The following RBFOX3 variants were observed in gnomAD, a reference collection of about 807,000 sequenced individuals.
RBFOX3 encodes the protein RNA binding protein fox-1 homolog 3.
RBFOX3 carries 17 observed loss-of-function variants against 48.7 expected under a neutral mutation model. The observed-to-expected ratio is 0.35, with a 90% CI of 0.24 to 0.52. The LOEUF (loss-of-function observed/expected upper bound fraction) is 0.52. RBFOX3 is among the 20% of genes least tolerant of loss of function. The pLI, the probability that RBFOX3 is intolerant of heterozygous loss-of-function variation, is 0.94. For synonymous variants in RBFOX3, 212 were observed against 209.5 expected, an observed-to-expected ratio of 1.01 and a Z score of -0.10; for missense variants, 382 against 497.5, an observed-to-expected ratio of 0.77 and a Z score of 2.21.
intron 1 of RBFOX3, among the ~76,000 whole-genome samples, chr17:79,525,961 G>A (rs2086739167): frequency 4.6e-5 from 7 of 152,130 alleles, no homozygotes; most frequent in South Asian, 2.1e-4. Flanking sequence ...ACAAGCCACC[G>A]CCACCCCCGA....
intron 1 of RBFOX3, among the ~76,000 whole-genome samples, chr17:79,483,426 G>A (rs1246726786): frequency 6.1e-4 from 83 of 135,724 alleles, no homozygotes; most frequent in African/African-American, 2.3e-3. Flanking sequence ...GCTCTTCCCT[G>A]CACAATTGCA....
At chr17:79,154,671 G>A (rs1471312079) in intron 4 of RBFOX3, among the ~76,000 whole-genome samples, 2 of 152,352 alleles carry the variant, frequency 1.3e-5, no homozygotes, top group Admixed American at 6.5e-5. Context: ...CCACGTGGCC[G>A]GGAGACTGGC....
At chr17:79,239,482 C>T (rs1330076300) in intron 3 of RBFOX3, among the ~76,000 whole-genome samples, 1 of 152,242 alleles carries the variant, frequency 6.6e-6, no homozygotes, top group Non-Finnish European at 1.5e-5. Flanking sequence ...CAGTCACACC[C>T]TTCAGCAAAG....
At chr17:79,635,336 G>A in the RBFOX3 span, among the ~76,000 whole-genome samples, 1 of 152,084 alleles carries the variant, frequency 6.6e-6, no homozygotes, top group Non-Finnish European at 1.5e-5. Context: ...GTGGCAACCT[G>A]ATCGTCCCAT....
chr17:79,318,139 G>A (rs2077802867), intron 2 of RBFOX3, among the ~76,000 whole-genome samples: 1 of 152,152 alleles, frequency 6.6e-6, no homozygotes. Flanking sequence ...GTGTCAGCCG[G>A]AGCCCTTGCC....
At chr17:79,305,915 G>C (rs2076028022) in intron 3 of RBFOX3, among the ~76,000 whole-genome samples, 1 of 152,220 alleles carries the variant, frequency 6.6e-6, no homozygotes, top group African/African-American at 2.4e-5. Flanking sequence ...GTAGCCTCTA[G>C]CGTAGAGCCC....
chr17:79,094,086 G>A (rs1046941150), intron 14 of RBFOX3, among the ~76,000 whole-genome samples: 1 of 152,188 alleles, frequency 6.6e-6, no homozygotes, highest in Non-Finnish European at 1.5e-5. Flanking sequence ...GCCTCTGCTG[G>A]GAAGGAGAGG....
At chr17:79,651,972 C>T in the RBFOX3 span, among the ~76,000 whole-genome samples, 1 of 150,588 alleles carries the variant, frequency 6.6e-6, no homozygotes, top group African/African-American at 2.5e-5. Context: ...AGTGGCTGAG[C>T]TTGGGAGCAG....
chr17:79,504,701 G>T (rs1838302260), intron 1 of RBFOX3, among the ~76,000 whole-genome samples: 1 of 152,102 alleles, frequency 6.6e-6, no homozygotes, highest in African/African-American at 2.4e-5. Flanking sequence ...TACATTTAGG[G>T]CCCGCCTGGA....
At chr17:79,321,447 C>T (rs889915861) in intron 2 of RBFOX3, among the ~76,000 whole-genome samples, 4 of 152,162 alleles carry the variant, frequency 2.6e-5, no homozygotes, top group South Asian at 2.1e-4. Context: ...TAACTGGAGC[C>T]GAGACACAGA....
intron 3 of RBFOX3, among the ~76,000 whole-genome samples, chr17:79,240,292 G>GA (rs1226923275): frequency 2.6e-5 from 4 of 152,260 alleles, no homozygotes; most frequent in African/African-American, 7.2e-5. Context: ...CAACTGGCCA[G>GA]AAAAAAACCG....
chr17:79,639,758 CAT>C, the RBFOX3 span, among the ~76,000 whole-genome samples: 1 of 152,082 alleles, frequency 6.6e-6, no homozygotes, highest in Non-Finnish European at 1.5e-5. Context: ...TCTAAATAGA[CAT>C]AGAAAAAGCA....
rs905547586 is a variant in RBFOX3, at chr17:79,421,385, C to T, written c.-175+61069G>A. On this transcript the variant is annotated intron_variant, in intron 2 of 14. Coordinates refer to ENST00000693108, the MANE Select transcript of RBFOX3 (RefSeq NM_001350451.2). This position sits in a 1 kb window ranked among gnomAD's most constrained non-coding sequence, Gnocchi z 4.5. ...TGGGGCTGCTTGAAGTGGATGGCCC[C>T]CTCAATGTGGAAGGAGGCTGGGCCT... Among the ~76,000 whole-genome samples, 30 of 152,278 alleles carry T rather than the reference C, an allele frequency of 2.0e-4. No homozygotes were observed. The highest frequency in any genetic ancestry group is 6.5e-4 in the African/African-American group (27 of 41,568).
In RBFOX3 at chr17:79,379,889, C is replaced by T. The variant is rs570512592; in HGVS notation, c.-174-72065G>A. On this transcript the variant is annotated intron_variant, in intron 2 of 14. Coordinates refer to ENST00000693108, the MANE Select transcript of RBFOX3 (RefSeq NM_001350451.2). ...AGAAGCACAGAGCGGCTCTCAGGCCCGCACGAGTCTGCATGTGCGTCCTGC... is the reference window on the plus strand; with the variant it reads ...AGAAGCACAGAGCGGCTCTCAGGCCTGCACGAGTCTGCATGTGCGTCCTGC... Among the ~76,000 whole-genome samples, 4 of 152,286 alleles carry T rather than the reference C, an allele frequency of 2.6e-5. No homozygotes were observed. In the South Asian group the frequency reaches 6.2e-4, roughly 24 times the overall value.
Position 79,443,209 on chromosome 17 carries a change from A to G in RBFOX3, c.-175+39245T>C, listed in dbSNP as rs2071512232. ...CCGAAGGGGCCCAGCGTCCAGTCCA[A>G]TCCTGGGTGCTGCCAAGTCCCCTCT... On this transcript the variant is annotated intron_variant, in intron 2 of 14. Transcript: ENST00000693108. The surrounding 1 kb of genome is among the most constrained non-coding windows in gnomAD (Gnocchi z 4.4). Among the ~76,000 whole-genome samples, 1 of 152,132 alleles carries G rather than the reference A, an allele frequency of 6.6e-6. No homozygotes were observed. The highest frequency in any genetic ancestry group is 2.1e-4 in the South Asian group (1 of 4,820).
intron 1 of RBFOX3, among the ~76,000 whole-genome samples, chr17:79,505,175 A>T (rs2149777769): frequency 6.6e-6 from 1 of 151,964 alleles, no homozygotes; most frequent in African/African-American, 2.4e-5. Flanking sequence ...CCACAAAGGA[A>T]CTCTATCAGC....
In RBFOX3 at chr17:79,390,298, C is replaced by CG. The variant is rs2061219338; in HGVS notation, c.-174-82475dup. 6.6e-6 allele frequency among the ~76,000 whole-genome samples: 1 copy of CG among 152,198 alleles called. No homozygotes were observed. Among genetic ancestry groups the CG allele is most frequent in the Non-Finnish European group, 1.5e-5 (1 of 68,038 alleles). On this transcript the variant is annotated intron_variant, in intron 2 of 14. Coordinates refer to ENST00000693108, the MANE Select transcript of RBFOX3 (RefSeq NM_001350451.2). This position sits in a 1 kb window ranked among gnomAD's most constrained non-coding sequence, Gnocchi z 4.2. The stretch of plus-strand genomic sequence containing the variant: ...CTTTAGCTGGCAGACACCAGCATCC[C>CG]GGGGGGACTTCTTAGACTCCACTCT...
chr17:79,272,548 G>T lies in RBFOX3; in HGVS notation c.-74+35176C>A, dbSNP rs960627019. Among the ~76,000 whole-genome samples the T allele has an allele frequency of 3.3e-5, 5 of 152,316 alleles. No homozygotes were observed. In the South Asian group the frequency reaches 8.3e-4, roughly 25 times the overall value. ...CCCCTGCCCACGCGGGGCCACGCAG[G>T]TCCCACCTGGCTGCCTCCCCAGGTG... On this transcript the variant is annotated intron_variant, in intron 3 of 14. Coordinates refer to ENST00000693108, the MANE Select transcript of RBFOX3 (RefSeq NM_001350451.2).
At chr17:79,656,915 A>AGGAAGGAAGGAAGGAAGGAG in the RBFOX3 span, among the ~76,000 whole-genome samples, 1 of 151,610 alleles carries the variant, frequency 6.6e-6, no homozygotes, top group South Asian at 2.1e-4. Context: ...GAAGGAAGGA[A>AGGAAGGAAGGAAGGAAGGAG]GGAAAAGAAA....
Sources: allele counts gnomAD v4.1 joint callset (sites outside exome capture counted in the v4.1 genomes callset), GRCh38; gene constraint gnomAD v4.1.1; non-coding constraint Gnocchi (gnomAD v3.1); transcripts MANE v1.5; gene names NCBI Gene and HGNC (gene_info 2026-07-23, HGNC 2026-07-21).